The following AFAP1L1 variants were observed in gnomAD, a reference collection of about 807,000 sequenced individuals.
The protein encoded by AFAP1L1 is actin filament associated protein 1 like 1, also known as actin filament-associated protein 1-like 1.
In AFAP1L1, 77 loss-of-function variants were observed where a neutral mutation model predicts 99.8. The observed-to-expected ratio is 0.77, with a 90% CI of 0.64 to 0.93. The LOEUF (loss-of-function observed/expected upper bound fraction) is 0.93. AFAP1L1 is among the 40% of genes least tolerant of loss of function. AFAP1L1 has a pLI of 0.00. For synonymous variants in AFAP1L1, 373 were observed against 395.3 expected (o/e 0.94, Z 0.67); for missense variants, 893 against 996.8 (o/e 0.90, Z 1.40).
At chr5:149,278,537 A>T (rs1255310484) in intron 1 of AFAP1L1, among the ~76,000 whole-genome samples, 1 of 152,198 alleles carries the variant, frequency 6.6e-6, no homozygotes, top group Non-Finnish European at 1.5e-5. Flanking sequence ...CCACTGCCTC[A>T]TCCCTCCAGG....
chr5:149,314,867 C>G (rs1011250331), intron 9 of AFAP1L1, among the ~76,000 whole-genome samples: 1 of 152,160 alleles, frequency 6.6e-6, no homozygotes, highest in African/African-American at 2.4e-5. Flanking sequence ...AATCCTGGCC[C>G]AAGTGTGGCT....
chr5:149,317,968 G>A, intron 12 of AFAP1L1, 28 bp downstream of exon 12: 1 of 1,551,374 alleles, frequency 6.4e-7, no homozygotes, highest in East Asian at 2.4e-5. Context: ...GACGTGGGTG[G>A]CTCTTGGTCT....
Position 149,300,348 on chromosome 5 carries a change from G to A in AFAP1L1, c.223G>A (p.Glu75Lys). Residue 75 changes from glutamate to lysine, a missense_variant, in exon 3 of 19, where the codon GAA becomes AAA. Transcript: ENST00000296721. ...GPSFVESLFE[E>K]FDCDLSDLRD... ...CAGCTTCGTGGAATCCCTCTTTGAA[G>A]AATTTGGTAAGTGACCCTCTCCCAA... is the stretch of plus-strand genomic sequence containing the variant. 1.2e-6 allele frequency: 2 copies of A among 1,612,816 alleles called. No individual in the cohort carries two copies. Among genetic ancestry groups the A allele is most frequent in the Non-Finnish European group, 1.7e-6 (2 of 1,179,360 alleles).
At chr5:149,287,413 C>T (rs1445263465) in intron 1 of AFAP1L1, among the ~76,000 whole-genome samples, 2 of 152,010 alleles carry the variant, frequency 1.3e-5, no homozygotes, top group Admixed American at 1.3e-4. Context: ...CTGTCAAGAT[C>T]CTGGCTTTTG....
chr5:149,278,405 A>G (rs766173718), intron 1 of AFAP1L1, among the ~76,000 whole-genome samples: 1 of 152,056 alleles, frequency 6.6e-6, no homozygotes, highest in Non-Finnish European at 1.5e-5. Context: ...ACCTCCATCA[A>G]ATCCCATCTC....
At chr5:149,276,370 A>G (rs1254764132) in intron 1 of AFAP1L1, among the ~76,000 whole-genome samples, 1 of 152,186 alleles carries the variant, frequency 6.6e-6, no homozygotes, top group African/African-American at 2.4e-5. Context: ...AAACATAGAA[A>G]CCACTTATAT....
intron 8 of AFAP1L1, among the ~76,000 whole-genome samples, chr5:149,311,641 T>C (rs980844592): frequency 3.3e-5 from 5 of 152,214 alleles, no homozygotes; most frequent in Non-Finnish European, 7.3e-5. Flanking sequence ...CTTTAGGAGA[T>C]GGAGGTGATA....
At chr5:149,287,358 G>A (rs1257380073) in intron 1 of AFAP1L1, among the ~76,000 whole-genome samples, 1 of 152,150 alleles carries the variant, frequency 6.6e-6, no homozygotes, top group Non-Finnish European at 1.5e-5. Context: ...GTGAGATTGG[G>A]CAGGGTAGGC....
intron 1 of AFAP1L1, among the ~76,000 whole-genome samples, chr5:149,272,950 GC>G (rs908781872): frequency 2.6e-5 from 4 of 152,106 alleles, no homozygotes; most frequent in African/African-American, 9.6e-5. Context: ...TGATCAGCCG[GC>G]CCCGGCCTCT....
rs975618820 is a variant in AFAP1L1, at chr5:149,340,659, G to C, written c.*629G>C. ...AGAGTGCAGCTACTGGAATCTTCCA[G>C]ATTTCAGTGTTTTAAAATCAGAGCT... is the stretch of plus-strand genomic sequence containing the variant. On this transcript the variant is annotated 3_prime_UTR_variant, in exon 19 of 19. Coordinates refer to ENST00000296721, the MANE Select transcript of AFAP1L1 (RefSeq NM_152406.4). The C allele has an allele frequency of 6.6e-6, 1 of 152,498 alleles. No homozygotes were observed. Among genetic ancestry groups the C allele is most frequent in the African/African-American group, 2.4e-5 (1 of 41,442 alleles). 9.4% of individuals were successfully genotyped at this position (152,498 alleles called of 1,614,324 possible). A position where few individuals can be genotyped will look rare whatever the true frequency, so the allele number is the denominator to read the frequency against.
At chr5:149,326,545 TAAAAAAAAAAA>T (rs59762007) in intron 15 of AFAP1L1, among the ~76,000 whole-genome samples, 8 of 129,662 alleles carry the variant, frequency 6.2e-5, no homozygotes, top group Admixed American at 4.8e-4. Context: ...TCGCCAAAAA[TAAAAAAAAAAA>T]AAAAAAGAAA....
chr5:149,312,246 G>A, intron 9 of AFAP1L1, 42 bp downstream of exon 9: 1 of 1,594,936 alleles, frequency 6.3e-7, no homozygotes, highest in Non-Finnish European at 8.6e-7. Flanking sequence ...CCAGGCAGTG[G>A]CCACTCAACA....
intron 1 of AFAP1L1, 90 bp downstream of exon 1, chr5:149,272,074 A>AGGCGGGCGGTGG (rs1755130421): frequency 1.3e-6 from 1 of 774,762 alleles, no homozygotes; most frequent in African/African-American, 1.9e-5. Flanking sequence ...GGAGGGAGAG[A>AGGCGGGCGGTGG]GGCGGGCGGT....
chr5:149,308,001 CA>C (rs1756487580), intron 7 of AFAP1L1, among the ~76,000 whole-genome samples: 1 of 151,804 alleles, frequency 6.6e-6, no homozygotes, highest in South Asian at 2.1e-4. Flanking sequence ...ACTAAAAATA[CA>C]AAAAATTAGC....
At chr5:149,334,904 G>C (rs1441292606) in intron 17 of AFAP1L1, among the ~76,000 whole-genome samples, 1 of 151,972 alleles carries the variant, frequency 6.6e-6, no homozygotes, top group East Asian at 1.9e-4. Context: ...AGAAAGGAAA[G>C]AAAGAAAGAA....
chr5:149,305,457 G>A (rs1756376918), intron 5 of AFAP1L1, among the ~76,000 whole-genome samples: 1 of 152,148 alleles, frequency 6.6e-6, no homozygotes, highest in South Asian at 2.1e-4. Flanking sequence ...TGGATGTTTA[G>A]AATTTTCCTA....
chr5:149,319,110 C>T (rs1030840201), intron 12 of AFAP1L1, among the ~76,000 whole-genome samples: 2 of 152,044 alleles, frequency 1.3e-5, no homozygotes, highest in South Asian at 2.1e-4. Flanking sequence ...AACATAAGTC[C>T]GTGTTTAGCT....
chr5:149,296,865 G>T (rs1266462966), intron 1 of AFAP1L1, among the ~76,000 whole-genome samples: 4 of 152,190 alleles, frequency 2.6e-5, no homozygotes, highest in African/African-American at 4.8e-5. Context: ...TTACAATCAT[G>T]TCAGAAGGGG....
chr5:149,331,658 A>AAACT (rs1757262776), intron 16 of AFAP1L1, among the ~76,000 whole-genome samples: 1 of 152,068 alleles, frequency 6.6e-6, no homozygotes. Flanking sequence ...AGCAAATCCT[A>AAACT]CTGAAAACTC....
Sources: gnomAD v4.1 joint callset for allele counts (sites outside exome capture counted in the v4.1 genomes callset) on GRCh38, gnomAD v4.1.1 for gene constraint, MANE v1.5 for transcripts, NCBI Gene and HGNC (gene_info 2026-07-23, HGNC 2026-07-21) for gene names.